METTL15: variants seen among roughly 807,000 people sequenced by gnomAD.
METTL15 encodes methyltransferase 15, mitochondrial 12S rRNA N4-cytidine, also known as 12S rRNA N(4)-cytidine methyltransferase METTL15.
Under a neutral mutation model 38.3 loss-of-function variants are expected in METTL15, and 34 were observed. The observed-to-expected ratio is 0.89, with a 90% confidence interval of 0.68 to 1.18. The LOEUF is 1.18. Among genes scored for constraint, METTL15 ranks in the 50% most tolerant of loss-of-function variants. The pLI, the probability that METTL15 is intolerant of heterozygous loss-of-function variation, is 0.00. For synonymous variants in METTL15, 162 were observed against 170.9 expected (o/e 0.95, Z 0.41); for missense variants, 438 against 498.4 (o/e 0.88, Z 1.15).
intron 6 of METTL15, among the ~76,000 whole-genome samples, chr11:28,317,512 G>A (rs543465729): frequency 3.3e-5 from 5 of 151,994 alleles, no homozygotes; most frequent in South Asian, 2.1e-4. Context: ...AGTGCATCAC[G>A]TTGACAGCCA....
rs374271371 is a variant in METTL15 at position 28,366,121 on chromosome 11, A to C, written c.*358+4085A>C. Among the ~76,000 whole-genome samples the C allele has an allele frequency of 2.6e-5, 4 of 152,242 alleles. No homozygotes were observed. In the East Asian group the frequency reaches 5.8e-4, roughly 22 times the overall value. ...GCACAGTGAGTTAATTTCAGGCAGTAATTATTCCTTTCCACTTTGCACTGG... is the reference window on the plus strand; with the variant it reads ...GCACAGTGAGTTAATTTCAGGCAGTCATTATTCCTTTCCACTTTGCACTGG... On this transcript the variant is annotated intron_variant and NMD_transcript_variant, in intron 5 of 7. Transcript: ENST00000532947.
intron 5 of METTL15, among the ~76,000 whole-genome samples, chr11:28,373,191 G>A (rs1009187864): frequency 2.4e-4 from 37 of 152,140 alleles, no homozygotes; most frequent in African/African-American, 7.2e-4. Flanking sequence ...CTGAGGAATC[G>A]CCACACTGAC....
intron 3 of METTL15, among the ~76,000 whole-genome samples, chr11:28,164,894 C>T (rs1850602264): frequency 6.6e-6 from 1 of 152,094 alleles, no homozygotes; most frequent in Non-Finnish European, 1.5e-5. Flanking sequence ...CTGTTCTACT[C>T]TCTAACTCTA....
chr11:28,389,772 G>A (rs960495702), intron 5 of METTL15, among the ~76,000 whole-genome samples: 1 of 151,524 alleles, frequency 6.6e-6, no homozygotes, highest in Non-Finnish European at 1.5e-5. Flanking sequence ...GGGTCAAATG[G>A]TATTTCTAGT....
At chr11:28,507,537 A>T (rs1449510231) in intron 6 of METTL15, among the ~76,000 whole-genome samples, 3 of 152,132 alleles carry the variant, frequency 2.0e-5, no homozygotes, top group Non-Finnish European at 2.9e-5. Context: ...AACTCCAGAC[A>T]TATATCCAGC....
At chr11:28,116,802 C>G (rs1384801062) in intron 3 of METTL15, among the ~76,000 whole-genome samples, 1 of 151,976 alleles carries the variant, frequency 6.6e-6, no homozygotes, top group African/African-American at 2.4e-5. Context: ...GAGAGTCTGT[C>G]TCTGTTGTTG....
At chr11:28,272,692 A>G (rs527484009) in intron 4 of METTL15, among the ~76,000 whole-genome samples, 5 of 152,212 alleles carry the variant, frequency 3.3e-5, no homozygotes, top group Non-Finnish European at 5.9e-5. Flanking sequence ...CATTCTGCAC[A>G]TGTATCCCAG....
chr11:28,340,871 CAT>C (rs1209286531), intron 3 of METTL15, among the ~76,000 whole-genome samples: 4 of 152,150 alleles, frequency 2.6e-5, no homozygotes, highest in African/African-American at 9.7e-5. Context: ...CACATGCACA[CAT>C]ATGTTTATTG....
chr11:28,320,872 G>A (rs1353329375), intron 6 of METTL15, among the ~76,000 whole-genome samples: 1 of 151,904 alleles, frequency 6.6e-6, no homozygotes, highest in Non-Finnish European at 1.5e-5. Flanking sequence ...GTCATTGTAA[G>A]TCTCTATACT....
At chr11:28,202,762 G>A (rs1202782210) in intron 3 of METTL15, among the ~76,000 whole-genome samples, 1 of 152,034 alleles carries the variant, frequency 6.6e-6, no homozygotes, top group Non-Finnish European at 1.5e-5. Context: ...AAGATTCATA[G>A]GATGAAGTTT....
chr11:28,414,258 A>T (rs574084768), intron 5 of METTL15, among the ~76,000 whole-genome samples: 1 of 152,220 alleles, frequency 6.6e-6, no homozygotes, highest in East Asian at 1.9e-4. Context: ...GAAAGCAAGG[A>T]GCAGGAAACA....
chr11:28,466,840 C>T (rs1387231937), intron 6 of METTL15, among the ~76,000 whole-genome samples: 1 of 152,206 alleles, frequency 6.6e-6, no homozygotes, highest in African/African-American at 2.4e-5. Flanking sequence ...GGTTTGTATA[C>T]TGACAAAATG....
intron 6 of METTL15, among the ~76,000 whole-genome samples, chr11:28,524,978 G>A (rs888213802): frequency 6.6e-6 from 1 of 152,078 alleles, no homozygotes; most frequent in African/African-American, 2.4e-5. Context: ...CGCTGGCTCA[G>A]GAGTGAAGCT....
intron 3 of METTL15, among the ~76,000 whole-genome samples, chr11:28,346,439 T>C (rs947292253): frequency 2.6e-5 from 4 of 152,204 alleles, no homozygotes; most frequent in African/African-American, 9.6e-5. Flanking sequence ...GTGTTTCTTA[T>C]GCAATCTGGA....
intron 3 of METTL15, among the ~76,000 whole-genome samples, chr11:28,207,901 G>T (rs1487070576): frequency 6.6e-6 from 1 of 152,112 alleles, no homozygotes; most frequent in Non-Finnish European, 1.5e-5. Flanking sequence ...TTGCATAGAG[G>T]TGTTTGTAAT....
rs144681816 is a variant in METTL15, at chr11:28,444,613, A to G, written c.*424+20249A>G. ...TAGTAGCCATGAATTTGAGCAAATC[A>G]CTTACCATTTTTGAGCCTCCATGTT... On this transcript the variant is annotated intron_variant and NMD_transcript_variant, in intron 6 of 7. Transcript: ENST00000532947. Among the ~76,000 whole-genome samples the G allele has an allele frequency of 3.4e-3, 513 of 152,312 alleles. 5 individuals are homozygous for G. The highest frequency in any genetic ancestry group is 0.012 in the African/African-American group (502 of 41,560).
chr11:28,292,111 G>T (rs1856540875), intron 5 of METTL15, among the ~76,000 whole-genome samples: 1 of 151,514 alleles, frequency 6.6e-6, no homozygotes. Flanking sequence ...ACAACATGCA[G>T]GTTAGTTACA....
intron 4 of METTL15, among the ~76,000 whole-genome samples, chr11:28,250,989 A>C (rs966925551): frequency 6.6e-6 from 1 of 152,036 alleles, no homozygotes; most frequent in Non-Finnish European, 1.5e-5. Flanking sequence ...TTCTTAAATC[A>C]ACACTATCAG....
intron 4 of METTL15, among the ~76,000 whole-genome samples, chr11:28,229,676 C>T (rs1489610953): frequency 2.6e-5 from 4 of 151,962 alleles, no homozygotes; most frequent in African/African-American, 9.7e-5. Context: ...ACTGAATCTG[C>T]TGGCATTTTG....
Sources: gnomAD v4.1 joint callset for allele counts (sites outside exome capture counted in the v4.1 genomes callset) on GRCh38, gnomAD v4.1.1 for gene constraint, MANE v1.5 for transcripts, NCBI Gene and HGNC (gene_info 2026-07-23, HGNC 2026-07-21) for gene names.